Variants in CCSER1 observed in about 807,000 individuals in gnomAD.
CCSER1 encodes coiled-coil serine rich protein 1, also known as serine-rich coiled-coil domain-containing protein 1.
In CCSER1, 41 loss-of-function variants were observed where a neutral mutation model predicts 82.0. The observed-to-expected ratio is 0.50, with a 90% CI of 0.39 to 0.65. The LOEUF (loss-of-function observed/expected upper bound fraction) is 0.65. Among genes scored for constraint, CCSER1 ranks in the 30% least tolerant of loss-of-function variants. CCSER1 has a pLI of 0.00. For missense variants in CCSER1, 1,119 were observed against 1,064.2 expected, an observed-to-expected ratio of 1.05 and a Z score of -0.72; for synonymous variants, 414 against 383.9, an observed-to-expected ratio of 1.08 and a Z score of -0.92.
At position 91,364,844 on chromosome 4, in the gene CCSER1, C is replaced by G. The variant is rs901966175; in HGVS notation, c.2218-233728C>G. Among the ~76,000 whole-genome samples, 10 of 152,048 alleles carry G rather than the reference C, an allele frequency of 6.6e-5. No individual in the cohort carries two copies. The East Asian group carries it at 1.9e-3, about 29-fold the overall frequency. On this transcript the variant is annotated intron_variant, in intron 10 of 10. Coordinates refer to ENST00000509176, the MANE Select transcript of CCSER1 (RefSeq NM_001145065.2). ...CATCAAATAGTAAGTTTTAATTTTT[C>G]CAGCTATTACTATTAATTCTAAGTT...
chr4:91,012,605 AC>A (rs917083888), intron 9 of CCSER1, among the ~76,000 whole-genome samples: 12 of 152,040 alleles, frequency 7.9e-5, no homozygotes, highest in African/African-American at 2.9e-4. Flanking sequence ...ATGTCAGGCC[AC>A]TGGGCCAGGG....
intron 10 of CCSER1, among the ~76,000 whole-genome samples, chr4:91,509,837 A>C (rs547295067): frequency 1.3e-5 from 2 of 152,116 alleles, no homozygotes; most frequent in Non-Finnish European, 2.9e-5. Context: ...GAAGATATAT[A>C]GATTTTTTTT....
At chr4:90,509,094 A>G (rs1771118229) in intron 5 of CCSER1, among the ~76,000 whole-genome samples, 1 of 152,102 alleles carries the variant, frequency 6.6e-6, no homozygotes. Context: ...GCAATCATAG[A>G]AGAGTTTGGG....
chr4:91,022,919 C>G (rs1009151020), intron 9 of CCSER1, among the ~76,000 whole-genome samples: 1 of 152,230 alleles, frequency 6.6e-6, no homozygotes, highest in Non-Finnish European at 1.5e-5. Context: ...AGCCCTTTGT[C>G]AGATGAGTAG....
In CCSER1 at chr4:90,915,156, C is replaced by A. The variant is rs1727126282; in HGVS notation, c.2095-8214C>A. ...TAGAAAAAGAGGGAATCCTCCCTAA[C>A]TCATTTCGTGAGGCCAGCATCATCC... On this transcript the variant is annotated intron_variant, in intron 8 of 10. Coordinates refer to ENST00000509176, the MANE Select transcript of CCSER1 (RefSeq NM_001145065.2). Among the ~76,000 whole-genome samples the A allele has an allele frequency of 2.6e-5, 4 of 152,182 alleles. No homozygotes were observed. The South Asian group carries it at 8.3e-4, about 32-fold the overall frequency.
At chr4:90,857,866 A>C (rs888281847) in intron 8 of CCSER1, among the ~76,000 whole-genome samples, 2 of 152,056 alleles carry the variant, frequency 1.3e-5, no homozygotes, top group African/African-American at 4.8e-5. Flanking sequence ...GATTTTTGCT[A>C]AATGAGTAGA....
chr4:90,690,283 C>T lies in CCSER1; in HGVS notation c.1933-33631C>T, dbSNP rs11938319. Among the ~76,000 whole-genome samples, 787 of 152,102 alleles carry T rather than the reference C, an allele frequency of 5.2e-3. 11 individuals are homozygous for T. The highest frequency in any genetic ancestry group is 0.018 in the African/African-American group (767 of 41,514). On this transcript the variant is annotated intron_variant, in intron 6 of 10. Coordinates refer to ENST00000509176, the MANE Select transcript of CCSER1 (RefSeq NM_001145065.2). ...ATGGTAAGCATGGGAGGTCAAAGAACACTTGAGTAGAAAAATGAAGAGACA... is the reference window on the plus strand; with the variant it reads ...ATGGTAAGCATGGGAGGTCAAAGAATACTTGAGTAGAAAAATGAAGAGACA...
intron 10 of CCSER1, among the ~76,000 whole-genome samples, chr4:91,145,920 CTA>C (rs1729487645): frequency 6.6e-6 from 1 of 152,166 alleles, no homozygotes; most frequent in Admixed American, 6.5e-5. Context: ...AGTCTGATGA[CTA>C]TGTGTCTTGG....
At chr4:90,462,669 G>A (rs1763103130) in intron 4 of CCSER1, among the ~76,000 whole-genome samples, 1 of 152,180 alleles carries the variant, frequency 6.6e-6, no homozygotes, top group African/African-American at 2.4e-5. Flanking sequence ...CCAGGACTTT[G>A]AGGGGTAGTG....
intron 10 of CCSER1, among the ~76,000 whole-genome samples, chr4:91,159,478 A>G (rs948251597): frequency 6.6e-6 from 1 of 151,916 alleles, no homozygotes; most frequent in Non-Finnish European, 1.5e-5. Context: ...TGTTAGTAGT[A>G]TACATGTCCT....
chr4:90,979,693 A>G (rs924090683), intron 9 of CCSER1, among the ~76,000 whole-genome samples: 1 of 151,802 alleles, frequency 6.6e-6, no homozygotes, highest in African/African-American at 2.4e-5. Context: ...TGATAGATTT[A>G]AATATCAAAG....
At chr4:90,230,013 A>T (rs6532222) in intron 1 of CCSER1, among the ~76,000 whole-genome samples, 98,896 of 151,512 alleles carry the variant, frequency 0.65, 34,749 homozygotes, top group African/African-American at 0.91. Context: ...CTCCCACACA[A>T]TAATAATGGG....
intron 1 of CCSER1, among the ~76,000 whole-genome samples, chr4:90,137,225 T>C (rs1723858328): frequency 6.6e-6 from 1 of 152,162 alleles, no homozygotes; most frequent in African/African-American, 2.4e-5. Flanking sequence ...AAATGAAACA[T>C]TACAAATTTG....
intron 10 of CCSER1, among the ~76,000 whole-genome samples, chr4:91,507,543 C>T (rs1242572771): frequency 3.9e-5 from 6 of 151,992 alleles, no homozygotes; most frequent in Non-Finnish European, 8.8e-5. Context: ...ATTCTCCTGC[C>T]TCTACGTATC....
chr4:91,389,237 T>C (rs1446817568), intron 10 of CCSER1, among the ~76,000 whole-genome samples: 1 of 151,342 alleles, frequency 6.6e-6, no homozygotes, highest in Non-Finnish European at 1.5e-5. Flanking sequence ...TTAATTTTTG[T>C]GAAGAGTGTT....
intron 3 of CCSER1, among the ~76,000 whole-genome samples, chr4:90,313,461 C>A (rs753444211): frequency 5.3e-5 from 8 of 152,172 alleles, no homozygotes; most frequent in Non-Finnish European, 1.0e-4. Flanking sequence ...TAGACCCTAT[C>A]CTCGCTGTCC....
At chr4:90,364,557 T>C (rs1208216611) in intron 3 of CCSER1, among the ~76,000 whole-genome samples, 1 of 152,046 alleles carries the variant, frequency 6.6e-6, no homozygotes, top group Non-Finnish European at 1.5e-5. Flanking sequence ...TGCTTAAACA[T>C]TGTATAGAGT....
At chr4:90,587,551 T>C (rs913300811) in intron 5 of CCSER1, among the ~76,000 whole-genome samples, 8 of 152,228 alleles carry the variant, frequency 5.3e-5, no homozygotes, top group Non-Finnish European at 8.8e-5. Flanking sequence ...TGGAGGTTGA[T>C]ACAGTACATG....
At chr4:90,375,397 G>A (rs990480448) in intron 3 of CCSER1, among the ~76,000 whole-genome samples, 1 of 152,110 alleles carries the variant, frequency 6.6e-6, no homozygotes, top group Non-Finnish European at 1.5e-5. Flanking sequence ...ACTAGAATGG[G>A]ACACATGGGT....
Sources: gnomAD v4.1 joint callset for allele counts (sites outside exome capture counted in the v4.1 genomes callset) on GRCh38, gnomAD v4.1.1 for gene constraint, MANE v1.5 for transcripts, NCBI Gene and HGNC (gene_info 2026-07-23, HGNC 2026-07-21) for gene names.